LARP1B: variants seen among roughly 807,000 people sequenced by gnomAD.
LARP1B encodes the protein La ribonucleoprotein 1B.
A neutral mutation model predicts 114.2 loss-of-function variants in LARP1B; 76 were observed. The observed-to-expected ratio is 0.67, with a 90% CI of 0.55 to 0.81. The LOEUF (loss-of-function observed/expected upper bound fraction) is 0.81, where lower values mean the gene tolerates loss of function less well. Ranked by LOEUF, LARP1B falls within the 30% of genes least tolerant of loss-of-function variation. The pLI is 0.00. For synonymous variants in LARP1B, 345 were observed against 348.0 expected, an observed-to-expected ratio of 0.99 and a Z score of 0.10; for missense variants, 1,014 against 1,075.8, an observed-to-expected ratio of 0.94 and a Z score of 0.80.
rs1169565956 is a variant in LARP1B, at chr4:128,100,867, G to A, written c.813+2537G>A. ...GAGTCTTGCTCTGTCACCCAGGTTG[G>A]AGTGTAATGGTGTGATCTCAGCTCA... On this transcript the variant is annotated intron_variant, in intron 8 of 19. Transcript: ENST00000326639. Among the ~76,000 whole-genome samples, 6 of 149,912 alleles carry A rather than the reference G, an allele frequency of 4.0e-5. No individual in the cohort carries two copies. The East Asian group carries it at 1.2e-3, about 30-fold the overall frequency.
chr4:128,158,192 G>A (rs886816699), intron 11 of LARP1B, among the ~76,000 whole-genome samples: 1 of 152,108 alleles, frequency 6.6e-6, no homozygotes, highest in Non-Finnish European at 1.5e-5. Context: ...GCAAATAGGT[G>A]CATTCATAAT....
At chr4:128,222,258 A>G in intron 7 of LARP1B, 2 of 451,732 alleles carry the variant, frequency 4.4e-6, no homozygotes, top group South Asian at 1.6e-5. Flanking sequence ...CATGATTTCC[A>G]TGAAGCAGTT....
At chr4:128,105,294 G>T (rs1781689222) in intron 8 of LARP1B, among the ~76,000 whole-genome samples, 1 of 152,114 alleles carries the variant, frequency 6.6e-6, no homozygotes, top group Non-Finnish European at 1.5e-5. Context: ...AGATTAGTCT[G>T]TTCTTGGCAT....
intron 5 of LARP1B, among the ~76,000 whole-genome samples, chr4:128,083,469 G>T (rs536893011): frequency 4.0e-5 from 6 of 148,222 alleles, no homozygotes; most frequent in Non-Finnish European, 9.0e-5. Context: ...CCTCCCTCCC[G>T]GACGGAGAGG....
chr4:128,121,741 T>C (rs946950575), intron 10 of LARP1B, 85 bp from the exon 11 acceptor site: 36 of 944,980 alleles, frequency 3.8e-5, no homozygotes, highest in Non-Finnish European at 5.3e-5. Context: ...AAGCTTGATA[T>C]TACTTACTTG....
intron 11 of LARP1B, among the ~76,000 whole-genome samples, chr4:128,152,255 G>C (rs1401060412): frequency 6.7e-6 from 1 of 150,020 alleles, no homozygotes; most frequent in Non-Finnish European, 1.5e-5. Context: ...CCAGGCTGGA[G>C]TGCAGTGGCG....
intron 12 of LARP1B, among the ~76,000 whole-genome samples, chr4:128,170,228 T>C (rs1309793759): frequency 6.6e-6 from 1 of 152,232 alleles, no homozygotes; most frequent in Non-Finnish European, 1.5e-5. Flanking sequence ...CAAATTTGTT[T>C]AATTAATTTG....
chr4:128,122,513 G>T (rs1292004869), intron 11 of LARP1B: 2 of 1,518,078 alleles, frequency 1.3e-6, no homozygotes, highest in Non-Finnish European at 1.8e-6. Flanking sequence ...TTTCTCGTAT[G>T]AAAGAATAAA....
chr4:128,190,810 T>C (rs1056257753), intron 15 of LARP1B, among the ~76,000 whole-genome samples: 17 of 152,202 alleles, frequency 1.1e-4, no homozygotes, highest in Non-Finnish European at 2.1e-4. Context: ...AATAAAAATA[T>C]ATTTGGTAAT....
At chr4:128,222,589 C>T (rs76884027) in exon 8 of LARP1B, 4,562 of 274,434 alleles carry the variant, frequency 0.017, 95 homozygotes, top group East Asian at 0.094. Flanking sequence ...AATTTACCTC[C>T]CACCAAGAGA....
intron 11 of LARP1B, among the ~76,000 whole-genome samples, chr4:128,138,846 A>G (rs1409801485): frequency 6.6e-6 from 1 of 152,168 alleles, no homozygotes; most frequent in Non-Finnish European, 1.5e-5. Flanking sequence ...AGTCCGAGCT[A>G]CTTGGGAGGC....
chr4:128,109,072 A>G (rs1474164882), intron 9 of LARP1B, among the ~76,000 whole-genome samples: 1 of 152,192 alleles, frequency 6.6e-6, no homozygotes, highest in African/African-American at 2.4e-5. Context: ...GGTTCTTAGA[A>G]TTATGCTGAT....
chr4:128,065,311 T>TC (rs1762205273), intron 1 of LARP1B, among the ~76,000 whole-genome samples: 1 of 88,308 alleles, frequency 1.1e-5, no homozygotes, highest in Non-Finnish European at 2.5e-5. Context: ...CTTTCTTTCT[T>TC]TCTTTCTCTC....
chr4:128,131,730 C>A (rs915333318), intron 11 of LARP1B, among the ~76,000 whole-genome samples: 1 of 152,086 alleles, frequency 6.6e-6, no homozygotes, highest in Non-Finnish European at 1.5e-5. Context: ...AAAAATAATA[C>A]ATAAATTAAA....
At chr4:128,102,340 A>G (rs1251625785) in intron 8 of LARP1B, among the ~76,000 whole-genome samples, 1 of 152,222 alleles carries the variant, frequency 6.6e-6, no homozygotes, top group African/African-American at 2.4e-5. Context: ...TAGGGTTGTC[A>G]TGAGGATGAA....
At position 128,077,831 on chromosome 4, in the gene LARP1B, G is replaced by T; in HGVS notation, c.86G>T (p.Arg29Ile). The change falls in exon 4 of 20, where the codon AGA becomes ATA. Residue 29 changes from arginine (R) to isoleucine (I), a missense_variant. Coordinates refer to ENST00000326639, the MANE Select transcript of LARP1B (RefSeq NM_018078.4). ...LSQGNKKPQN[R>I]KEKEEKVEKR... ...CAAGGAAATAAAAAGCCACAAAATA[G>T]AAAAGAAAAAGAAGAGAAGGTTGAA... 6.2e-7 allele frequency: 1 copy of T among 1,606,616 alleles called. No individual in the cohort carries two copies. The highest frequency in any genetic ancestry group is 8.5e-7 in the Non-Finnish European group (1 of 1,177,838).
At chr4:128,188,514 C>A (rs1751116574) in intron 15 of LARP1B, among the ~76,000 whole-genome samples, 1 of 152,076 alleles carries the variant, frequency 6.6e-6, no homozygotes, top group Non-Finnish European at 1.5e-5. Context: ...TTATTTATTT[C>A]TGCCTTGATC....
intron 5 of LARP1B, among the ~76,000 whole-genome samples, chr4:128,087,870 A>C (rs773686031): frequency 6.6e-6 from 1 of 152,014 alleles, no homozygotes. Flanking sequence ...ATATATATGC[A>C]TATGTATAAA....
In LARP1B at chr4:128,211,859, T is replaced by C. The variant is rs934266943; in HGVS notation, c.*1806T>C. 1.6e-6 allele frequency: 1 copy of C among 642,074 alleles called. No individual in the cohort carries two copies. Among genetic ancestry groups the C allele is most frequent in the Non-Finnish European group, 1.9e-6 (1 of 516,856 alleles). 39.8% of individuals were successfully genotyped at this position (642,074 alleles called of 1,614,324 possible). On this transcript the variant is annotated 3_prime_UTR_variant, in exon 20 of 20. Transcript: ENST00000326639. ...TAAATGAAAATACAATAATCAGGAG[T>C]TTTGTGGTTTGTATTAATTAGTAGT...
Sources: allele counts gnomAD v4.1 joint callset (sites outside exome capture counted in the v4.1 genomes callset), GRCh38; gene constraint gnomAD v4.1.1; transcripts MANE v1.5; gene names NCBI Gene and HGNC (gene_info 2026-07-23, HGNC 2026-07-21).